Variants in ANKRD36B observed in about 807,000 individuals in gnomAD.
ANKRD36B encodes the protein ankyrin repeat domain 36B, also known as ankyrin repeat domain-containing protein 36B.
Under a neutral mutation model 135.7 loss-of-function variants are expected in ANKRD36B, and 37 were observed. The observed-to-expected ratio is 0.27, with a 90% confidence interval of 0.21 to 0.36. The LOEUF (loss-of-function observed/expected upper bound fraction) is 0.36, where lower values mean the gene tolerates loss of function less well. Among genes scored for constraint, ANKRD36B ranks in the 10% least tolerant of loss-of-function variants. The pLI is 1.00. For synonymous variants in ANKRD36B, 179 were observed against 348.1 expected, an observed-to-expected ratio of 0.51 and a Z score of 5.41; for missense variants, 549 against 1,037.1, an observed-to-expected ratio of 0.53 and a Z score of 6.46.
In ANKRD36B at chr2:97,527,029, A is replaced by G. The variant is rs1193880841; in HGVS notation, c.2266-3562T>C. The stretch of plus-strand genomic sequence containing the variant: ...CCCCAATCTAGCAAGGCAGGCCAAC[A>G]TTCAGATTCAGGAAATACAGACAAC... On this transcript the variant is annotated intron_variant, in intron 35 of 43. Transcript: ENST00000359901. Among the ~76,000 whole-genome samples, 3 of 96,124 alleles carry G rather than the reference A, an allele frequency of 3.1e-5. 1 individual carries two copies. The highest frequency in any genetic ancestry group is 9.4e-5 in the African/African-American group (3 of 31,950). 63.1% of individuals were successfully genotyped at this position (96,124 alleles called of 152,430 possible). A position where few individuals can be genotyped will look rare whatever the true frequency, so the allele number is the denominator to read the frequency against.
intron 6 of ANKRD36B, among the ~76,000 whole-genome samples, chr2:97,575,060 TG>T (rs1406753626): frequency 6.6e-6 from 1 of 151,234 alleles, no homozygotes; most frequent in Non-Finnish European, 1.5e-5. Flanking sequence ...TAAATCTAAT[TG>T]GCTTTTGAGT....
chr2:97,545,533 T>C lies in ANKRD36B; in HGVS notation c.1681+133A>G, dbSNP rs1476667405. On this transcript the variant is annotated intron_variant, in intron 24 of 43. Transcript: ENST00000359901. ...AGCATCAGGGTCACCCGAGAACTTA[T>C]TACAAATGAATAATCTCAGGAATAC... 4 of 542,956 alleles carry C rather than the reference T, an allele frequency of 7.4e-6. 1 individual carries two copies. In the Admixed American group the frequency reaches 1.0e-4, roughly 14 times the overall value. 33.6% of individuals were successfully genotyped at this position (542,956 alleles called of 1,614,324 possible). A position where few individuals can be genotyped will look rare whatever the true frequency, so the allele number is the denominator to read the frequency against.
At chr2:97,572,000 C>T (rs188913896) in intron 6 of ANKRD36B, among the ~76,000 whole-genome samples, 3 of 152,040 alleles carry the variant, frequency 2.0e-5, no homozygotes, top group African/African-American at 7.2e-5. Context: ...TAGACCAGCA[C>T]GATGGCTCAT....
Position 97,533,853 on chromosome 2 carries a change from C to T in ANKRD36B, c.2192-1469G>A, listed in dbSNP as rs1412451397. 4.2e-5 allele frequency among the ~76,000 whole-genome samples: 4 copies of T among 94,906 alleles called. 1 individual carries two copies. The highest frequency in any genetic ancestry group is 2.3e-4 in the East Asian group (1 of 4,274). 62.3% of individuals were successfully genotyped at this position (94,906 alleles called of 152,430 possible). The stretch of plus-strand genomic sequence containing the variant: ...TGGGTGGATTACAAGGTCAGGAGGT[C>T]GAGACCAGCCTGACTAACATGGTGA... On this transcript the variant is annotated intron_variant, in intron 34 of 43. Coordinates refer to ENST00000359901, the MANE Select transcript of ANKRD36B (RefSeq NM_001393939.1).
chr2:97,574,247 T>C (rs1306787389), intron 6 of ANKRD36B, among the ~76,000 whole-genome samples: 1 of 152,088 alleles, frequency 6.6e-6, no homozygotes, highest in African/African-American at 2.4e-5. Context: ...CAGACACTTC[T>C]CAAAAGAAGA....
At chr2:97,575,896 A>G (rs1449804280) in intron 6 of ANKRD36B, among the ~76,000 whole-genome samples, 1 of 152,014 alleles carries the variant, frequency 6.6e-6, no homozygotes, top group Non-Finnish European at 1.5e-5. Context: ...TGTACTCAGA[A>G]TACAATATAT....
chr2:97,549,515 A>T, intron 19 of ANKRD36B, 24 bp from the exon 20 acceptor site: 1 of 1,598,086 alleles, frequency 6.3e-7, no homozygotes, highest in Non-Finnish European at 8.5e-7. Context: ...GAAATGAAAT[A>T]ATAAATAAAT....
intron 6 of ANKRD36B, among the ~76,000 whole-genome samples, chr2:97,564,343 C>A (rs1255871342): frequency 2.6e-5 from 4 of 151,984 alleles, no homozygotes; most frequent in Non-Finnish European, 4.4e-5. Flanking sequence ...ACCCCACACA[C>A]ACTCCCAAAT....
At chr2:97,549,354 T>C (rs1052614874) in intron 20 of ANKRD36B, 65 bp downstream of exon 20, 1 of 1,495,892 alleles carries the variant, frequency 6.7e-7, no homozygotes, top group Admixed American at 2.1e-5. Context: ...CGCTGATTTA[T>C]TTGGGGAAGA....
chr2:97,563,682 C>A (rs1404838687), intron 6 of ANKRD36B, among the ~76,000 whole-genome samples: 3 of 152,108 alleles, frequency 2.0e-5, no homozygotes, highest in Non-Finnish European at 4.4e-5. Flanking sequence ...AAAGCACACA[C>A]TGGATTTTCT....
chr2:97,571,464 A>G (rs566866354), intron 6 of ANKRD36B, among the ~76,000 whole-genome samples: 34 of 152,170 alleles, frequency 2.2e-4, no homozygotes, highest in East Asian at 1.9e-3. Flanking sequence ...TGGCTAACAC[A>G]GTGAAACCGC....
intron 6 of ANKRD36B, among the ~76,000 whole-genome samples, chr2:97,573,279 T>C (rs969971634): frequency 6.6e-6 from 1 of 152,196 alleles, no homozygotes; most frequent in Non-Finnish European, 1.5e-5. Flanking sequence ...TTCCATGGTG[T>C]ATATGTGCCA....
chr2:97,578,221 G>C (rs1375824965), intron 5 of ANKRD36B, among the ~76,000 whole-genome samples: 1 of 152,024 alleles, frequency 6.6e-6, no homozygotes, highest in African/African-American at 2.4e-5. Context: ...GAGCATATAA[G>C]TATGTGCAAC....
rs13001324 is a variant in ANKRD36B at position 97,547,557 on chromosome 2, C to A, written c.1558G>T (p.Asp520Tyr). The A allele has an allele frequency of 1.2e-5, 18 of 1,525,540 alleles. No homozygotes were observed. In the East Asian group the frequency reaches 3.0e-4, roughly 26 times the overall value. The allele number at this position is 1,525,540 out of a possible 1,614,324, so 94.5% of individuals were successfully genotyped here. ...TTACCTCTCCTAGTTTTTTCTCCAT[C>A]TTTTTTTCCTCTGGCTATATTCAAA... ...SLLNIARGKK[D>Y]GEKTRRVSSH... The change falls in exon 22 of 44, where the codon GAT (aspartate) becomes TAT (tyrosine). Residue 520 changes from aspartate (D) to tyrosine (Y), a missense_variant. Transcript: ENST00000359901.
intron 21 of ANKRD36B, 33 bp downstream of exon 21, chr2:97,547,670 A>G: frequency 6.4e-7 from 1 of 1,555,430 alleles, no homozygotes; most frequent in Non-Finnish European, 8.7e-7. Context: ...CTATACATTT[A>G]CTAGTTCACA....
chr2:97,570,321 A>T (rs2081757217), intron 6 of ANKRD36B, among the ~76,000 whole-genome samples: 1 of 152,210 alleles, frequency 6.6e-6, no homozygotes, highest in Non-Finnish European at 1.5e-5. Flanking sequence ...TGAAGAAAAT[A>T]ATTCATATAA....
rs543683713 is a variant in ANKRD36B, at chr2:97,496,123, A to G, written c.*7-3268T>C. On this transcript the variant is annotated intron_variant, in intron 43 of 43. Coordinates refer to ENST00000359901, the MANE Select transcript of ANKRD36B (RefSeq NM_001393939.1). ...GACTACTCCAGTGAATGCACAAATG[A>G]TAAGTACAATGGTATTATTGCTGAT... Among the ~76,000 whole-genome samples the G allele has an allele frequency of 1.3e-3, 135 of 102,358 alleles. 4 individuals carry two copies. The highest frequency in any genetic ancestry group is 3.6e-3 in the South Asian group (16 of 4,392). The allele number at this position is 102,358 out of a possible 152,430, so 67.2% of individuals were successfully genotyped here.
chr2:97,528,485 T>C lies in ANKRD36B; in HGVS notation c.2265+3826A>G, dbSNP rs1173883696. Among the ~76,000 whole-genome samples, 7 of 90,354 alleles carry C rather than the reference T, an allele frequency of 7.7e-5. 3 individuals are homozygous for C. Among genetic ancestry groups the C allele is most frequent in the Non-Finnish European group, 2.0e-4 (7 of 34,326 alleles). 59.3% of individuals were successfully genotyped at this position (90,354 alleles called of 152,430 possible). ...CAAAATTGACACCCTAACATCACAA[T>C]TAAAAGAACTAGAAAAGCAAGAGCA... On this transcript the variant is annotated intron_variant, in intron 35 of 43. Coordinates refer to ENST00000359901, the MANE Select transcript of ANKRD36B (RefSeq NM_001393939.1).
intron 22 of ANKRD36B, among the ~76,000 whole-genome samples, chr2:97,546,864 T>C (rs1166257729): frequency 6.6e-6 from 1 of 151,696 alleles, no homozygotes; most frequent in Admixed American, 6.6e-5. Flanking sequence ...GTATCTCTGA[T>C]GCCTCCTAGT....
Sources: allele counts gnomAD v4.1 joint callset (sites outside exome capture counted in the v4.1 genomes callset), GRCh38; gene constraint gnomAD v4.1.1; transcripts MANE v1.5; gene names NCBI Gene and HGNC (gene_info 2026-07-23, HGNC 2026-07-21).